SNX24: variants seen among roughly 807,000 people sequenced by gnomAD.
SNX24 encodes the protein sorting nexin 24, also known as sorting nexin-24.
In SNX24, 22 loss-of-function variants were observed where a neutral mutation model predicts 28.7. The observed-to-expected ratio is 0.77, with a 90% CI of 0.55 to 1.10. The LOEUF (loss-of-function observed/expected upper bound fraction) is 1.10. SNX24 is among the 50% of genes least tolerant of loss of function. The probability of loss-of-function intolerance (pLI) is 0.00; values close to 1 mark genes in which losing one functional copy is unlikely to be tolerated. For missense variants in SNX24, 221 were observed against 201.1 expected (o/e 1.10, Z -0.60); for synonymous variants, 69 against 71.5 (o/e 0.96, Z 0.18).
intron 1 of SNX24, among the ~76,000 whole-genome samples, chr5:122,860,088 T>A (rs1326566315): frequency 6.6e-6 from 1 of 152,218 alleles, no homozygotes; most frequent in African/African-American, 2.4e-5. Context: ...ATCTTCTAGC[T>A]GTGTTAATAC....
At chr5:122,950,970 A>T (rs1759911382) in intron 3 of SNX24, among the ~76,000 whole-genome samples, 1 of 152,154 alleles carries the variant, frequency 6.6e-6, no homozygotes, top group Non-Finnish European at 1.5e-5. Flanking sequence ...TAAAGCTTCT[A>T]GAAAATTTAA....
intron 1 of SNX24, among the ~76,000 whole-genome samples, chr5:122,864,056 C>T (rs573341702): frequency 6.6e-6 from 1 of 152,318 alleles, no homozygotes; most frequent in Non-Finnish European, 1.5e-5. Context: ...ATGAAAATCC[C>T]TCCCTTTGTG....
intron 3 of SNX24, among the ~76,000 whole-genome samples, chr5:122,991,012 T>C (rs1761824340): frequency 6.6e-6 from 1 of 152,118 alleles, no homozygotes; most frequent in South Asian, 2.1e-4. Context: ...TTCTCCTGTC[T>C]CGGCCTTCCA....
At chr5:122,970,832 G>C (rs374613270) in intron 3 of SNX24, among the ~76,000 whole-genome samples, 1 of 152,134 alleles carries the variant, frequency 6.6e-6, no homozygotes, top group African/African-American at 2.4e-5. Context: ...GACTTGGCCC[G>C]TGTGATTATA....
chr5:122,912,593 T>C (rs1197459455), intron 1 of SNX24, among the ~76,000 whole-genome samples: 1 of 152,174 alleles, frequency 6.6e-6, no homozygotes, highest in East Asian at 1.9e-4. Flanking sequence ...CAGTATGATA[T>C]TGGCTGTGGG....
chr5:122,914,350 C>A (rs1223026500), intron 1 of SNX24, among the ~76,000 whole-genome samples: 15 of 152,280 alleles, frequency 9.9e-5, no homozygotes, highest in Admixed American at 6.5e-4. Flanking sequence ...TATTGGTCTA[C>A]AATTCTCTTT....
At position 122,990,295 on chromosome 5, in the gene SNX24, C is replaced by T. The variant is rs185932105; in HGVS notation, c.250-9617C>T. ...CAATTACATTACTGTAGCATTTAAA[C>T]AGGTGACTAAATATATTGTTATAAC... is the stretch of plus-strand genomic sequence containing the variant. On this transcript the variant is annotated intron_variant, in intron 3 of 6. Transcript: ENST00000261369. Among the ~76,000 whole-genome samples, 10 of 152,292 alleles carry T rather than the reference C, an allele frequency of 6.6e-5. No individual in the cohort carries two copies. In the East Asian group the frequency reaches 1.9e-3, roughly 29 times the overall value.
intron 1 of SNX24, among the ~76,000 whole-genome samples, chr5:122,875,565 A>G (rs1000406582): frequency 6.6e-6 from 1 of 152,172 alleles, no homozygotes; most frequent in Admixed American, 6.5e-5. Flanking sequence ...ATCATCAGAC[A>G]TTTTCAGGAG....
At chr5:122,852,327 T>C (rs1013991054) in intron 1 of SNX24, among the ~76,000 whole-genome samples, 2 of 151,910 alleles carry the variant, frequency 1.3e-5, no homozygotes, top group African/African-American at 4.8e-5. Flanking sequence ...TGAGAGTGAC[T>C]CTTCTGTTTC....
chr5:123,020,639 T>A (rs955991200), intron 5 of SNX24, among the ~76,000 whole-genome samples: 24 of 152,332 alleles, frequency 1.6e-4, no homozygotes, highest in African/African-American at 5.5e-4. Context: ...TGAAGACTTT[T>A]AGGTTGCAAG....
chr5:122,854,122 C>T (rs1454000468), intron 1 of SNX24, among the ~76,000 whole-genome samples: 2 of 152,006 alleles, frequency 1.3e-5, no homozygotes, highest in Non-Finnish European at 2.9e-5. Flanking sequence ...CTGTCCCCAG[C>T]ACTACACAGA....
rs575693684 is a variant in SNX24 at position 123,006,880 on chromosome 5, C to T, written c.443-802C>T. 3.7e-3 allele frequency among the ~76,000 whole-genome samples: 568 copies of T among 152,132 alleles called. 4 individuals are homozygous for T. The highest frequency in any genetic ancestry group is 0.013 in the African/African-American group (525 of 41,524). On this transcript the variant is annotated intron_variant, in intron 6 of 6. Transcript: ENST00000261369. ...TAGAGGCTAGATGCATATTTTTTTT[C>T]TTAAAATATTGGACTACTTTTATTT...
At chr5:122,878,203 C>T (rs1181678657) in intron 1 of SNX24, among the ~76,000 whole-genome samples, 1 of 152,144 alleles carries the variant, frequency 6.6e-6, no homozygotes, top group South Asian at 2.1e-4. Flanking sequence ...GTTTTGTTCA[C>T]AGAAGTGGTA....
At chr5:122,971,390 C>T (rs1269750458) in intron 3 of SNX24, among the ~76,000 whole-genome samples, 2 of 152,158 alleles carry the variant, frequency 1.3e-5, no homozygotes, top group African/African-American at 2.4e-5. Flanking sequence ...CTCACAGACA[C>T]ACCCAGGAAC....
intron 1 of SNX24, among the ~76,000 whole-genome samples, chr5:122,902,880 A>T (rs1757499507): frequency 6.6e-6 from 1 of 152,084 alleles, no homozygotes. Flanking sequence ...GACTCAACTG[A>T]GTTTCAACTC....
At chr5:122,990,801 C>T (rs950013603) in intron 3 of SNX24, among the ~76,000 whole-genome samples, 2 of 152,068 alleles carry the variant, frequency 1.3e-5, no homozygotes, top group Non-Finnish European at 2.9e-5. Flanking sequence ...TGTTTTGGTT[C>T]GCTTGTTGTA....
intron 2 of SNX24, among the ~76,000 whole-genome samples, chr5:122,938,573 G>C (rs967463224): frequency 2.0e-5 from 3 of 152,114 alleles, no homozygotes; most frequent in African/African-American, 4.8e-5. Context: ...ATTATCAAGG[G>C]GATAGCAGCT....
chr5:122,931,184 T>C (rs543122681), intron 1 of SNX24, among the ~76,000 whole-genome samples: 87 of 152,302 alleles, frequency 5.7e-4, no homozygotes, highest in African/African-American at 2.0e-3. Context: ...AATAGTATGA[T>C]TAAATTAGTA....
intron 1 of SNX24, among the ~76,000 whole-genome samples, chr5:122,882,695 A>G (rs1389767732): frequency 6.6e-6 from 1 of 152,220 alleles, no homozygotes; most frequent in African/African-American, 2.4e-5. Context: ...GGCCAGATAT[A>G]AAATAATTTT....
Sources: gnomAD v4.1 joint callset for allele counts (sites outside exome capture counted in the v4.1 genomes callset) on GRCh38, gnomAD v4.1.1 for gene constraint, MANE v1.5 for transcripts, NCBI Gene and HGNC (gene_info 2026-07-23, HGNC 2026-07-21) for gene names.